The following ERC2 variants were observed in gnomAD, a reference collection of about 807,000 sequenced individuals.
The protein encoded by ERC2 is ELKS/RAB6-interacting/CAST family member 2.
Under a neutral mutation model 114.8 loss-of-function variants are expected in ERC2, and 42 were observed. The observed-to-expected ratio is 0.37, with a 90% confidence interval of 0.29 to 0.47. The LOEUF (loss-of-function observed/expected upper bound fraction) is 0.47, where lower values mean the gene tolerates loss of function less well. Among genes scored for constraint, ERC2 ranks in the 20% least tolerant of loss-of-function variants. The pLI, the probability that ERC2 is intolerant of heterozygous loss-of-function variation, is 0.99. For missense variants in ERC2, 939 were observed against 1,150.7 expected, an observed-to-expected ratio of 0.82 and a Z score of 2.66; for synonymous variants, 454 against 425.5, an observed-to-expected ratio of 1.07 and a Z score of -0.82.
chr3:55,793,654 G>A (rs1333044708), intron 14 of ERC2, among the ~76,000 whole-genome samples: 8 of 152,106 alleles, frequency 5.3e-5, no homozygotes, highest in South Asian at 2.1e-4. Context: ...AAAAACAAAA[G>A]AGCCTAGATA....
At chr3:56,122,920 T>C (rs2079659927) in intron 6 of ERC2, among the ~76,000 whole-genome samples, 2 of 152,182 alleles carry the variant, frequency 1.3e-5, no homozygotes, top group African/African-American at 4.8e-5. Context: ...CTCTCTTAAT[T>C]TCTCTGCTAC....
At chr3:55,767,267 G>GT (rs1342536478) in intron 14 of ERC2, among the ~76,000 whole-genome samples, 2 of 152,186 alleles carry the variant, frequency 1.3e-5, no homozygotes, top group Non-Finnish European at 2.9e-5. Context: ...GCGGGCTTAG[G>GT]TTTTTGCCAA....
intron 2 of ERC2, among the ~76,000 whole-genome samples, chr3:56,387,749 CTT>C (rs2059985872): frequency 6.6e-6 from 1 of 152,150 alleles, no homozygotes; most frequent in Non-Finnish European, 1.5e-5. Flanking sequence ...TCACCTCTTT[CTT>C]TTCCAAGAGT....
intron 14 of ERC2, among the ~76,000 whole-genome samples, chr3:55,858,180 A>C (rs1281085885): frequency 6.6e-6 from 1 of 152,184 alleles, no homozygotes; most frequent in Non-Finnish European, 1.5e-5. Flanking sequence ...GATAAAAACA[A>C]GTAAAGATGG....
chr3:56,430,016 T>G (rs1475046220), intron 2 of ERC2, among the ~76,000 whole-genome samples: 1 of 152,186 alleles, frequency 6.6e-6, no homozygotes, highest in Admixed American at 6.5e-5. Context: ...TTAGTTAGCA[T>G]TATATTTATA....
chr3:56,017,840 C>G (rs1288718864), intron 8 of ERC2, among the ~76,000 whole-genome samples: 1 of 152,130 alleles, frequency 6.6e-6, no homozygotes, highest in African/African-American at 2.4e-5. Flanking sequence ...CTGCTGCATC[C>G]CAAGGCTCAA....
chr3:55,581,997 G>A (rs1422487921), intron 17 of ERC2, among the ~76,000 whole-genome samples: 1 of 152,138 alleles, frequency 6.6e-6, no homozygotes, highest in Non-Finnish European at 1.5e-5. Context: ...GCTTTATCCA[G>A]TCCTGCAGTT....
At chr3:55,953,035 TACAA>T (rs2067691967) in intron 12 of ERC2, among the ~76,000 whole-genome samples, 1 of 151,454 alleles carries the variant, frequency 6.6e-6, no homozygotes, top group Non-Finnish European at 1.5e-5. Flanking sequence ...CTACTAAAAA[TACAA>T]ACAAACAAAC....
At chr3:55,939,949 A>G (rs2066680328) in intron 13 of ERC2, among the ~76,000 whole-genome samples, 1 of 152,226 alleles carries the variant, frequency 6.6e-6, no homozygotes, top group Non-Finnish European at 1.5e-5. Context: ...AAGAAAACAA[A>G]ATGTGTTAGT....
intron 1 of ERC2, among the ~76,000 whole-genome samples, chr3:56,446,454 G>T (rs2062566078): frequency 6.6e-6 from 1 of 152,008 alleles, no homozygotes; most frequent in Non-Finnish European, 1.5e-5. Flanking sequence ...TCATGAGGAA[G>T]GCTATATGTC....
At chr3:55,703,468 T>A (rs941727891) in intron 15 of ERC2, among the ~76,000 whole-genome samples, 1 of 152,236 alleles carries the variant, frequency 6.6e-6, no homozygotes, top group Non-Finnish European at 1.5e-5. Flanking sequence ...CTTCCACTGC[T>A]TTCAGCAGAA....
intron 9 of ERC2, among the ~76,000 whole-genome samples, chr3:56,009,182 G>T (rs2072724745): frequency 6.6e-6 from 1 of 152,138 alleles, no homozygotes; most frequent in African/African-American, 2.4e-5. Flanking sequence ...ATTTTAAGGT[G>T]CAAACCGACA....
intron 6 of ERC2, among the ~76,000 whole-genome samples, chr3:56,108,928 G>T (rs2078811144): frequency 6.6e-6 from 1 of 152,026 alleles, no homozygotes; most frequent in Non-Finnish European, 1.5e-5. Flanking sequence ...AAACAGTGAA[G>T]AAAGACCATT....
At chr3:55,555,330 C>A (rs1463521718) in intron 17 of ERC2, among the ~76,000 whole-genome samples, 1 of 152,168 alleles carries the variant, frequency 6.6e-6, no homozygotes, top group African/African-American at 2.4e-5. Context: ...TTGAGCACAT[C>A]TGAGCTTTAA....
chr3:56,116,335 G>A (rs1420318514), intron 6 of ERC2, among the ~76,000 whole-genome samples: 1 of 152,322 alleles, frequency 6.6e-6, no homozygotes, highest in Non-Finnish European at 1.5e-5. Context: ...GAAATTGTAA[G>A]TTATAAGGGC....
At chr3:56,253,694 G>C (rs1487175040) in intron 3 of ERC2, among the ~76,000 whole-genome samples, 1 of 152,170 alleles carries the variant, frequency 6.6e-6, no homozygotes, top group African/African-American at 2.4e-5. Context: ...ATGCTCATTT[G>C]TTTGCACATC....
intron 13 of ERC2, among the ~76,000 whole-genome samples, chr3:55,908,691 T>C (rs912876821): frequency 2.0e-5 from 3 of 152,154 alleles, no homozygotes; most frequent in African/African-American, 7.2e-5. Context: ...ATGAATTAGA[T>C]GAGCTTTAAG....
chr3:55,510,937 T>A lies in ERC2; in HGVS notation c.*379A>T, dbSNP rs1008890562. 1.3e-5 allele frequency: 2 copies of A among 152,244 alleles called. No individual in the cohort carries two copies. The highest frequency in any genetic ancestry group is 2.9e-5 in the Non-Finnish European group (2 of 68,044). The allele number at this position is 152,244 out of a possible 1,614,324, so 9.4% of individuals were successfully genotyped here. On this transcript the variant is annotated 3_prime_UTR_variant, in exon 18 of 18. Coordinates refer to ENST00000288221, the MANE Select transcript of ERC2 (RefSeq NM_015576.3). ...CATGGAGTTCAAATTTATCCAATGATGTTTAAGTAACATAAACAAAATGTT... is the reference window on the plus strand; with the variant it reads ...CATGGAGTTCAAATTTATCCAATGAAGTTTAAGTAACATAAACAAAATGTT...
chr3:55,636,101 C>G (rs1476965916), intron 17 of ERC2, among the ~76,000 whole-genome samples: 1 of 151,938 alleles, frequency 6.6e-6, no homozygotes, highest in East Asian at 1.9e-4. Context: ...GTCTTGAACT[C>G]CTGACCTCAG....
Sources: allele counts gnomAD v4.1 joint callset (sites outside exome capture counted in the v4.1 genomes callset), GRCh38; gene constraint gnomAD v4.1.1; transcripts MANE v1.5; gene names NCBI Gene and HGNC (gene_info 2026-07-23, HGNC 2026-07-21).